WWOX: variants seen among roughly 807,000 people sequenced by gnomAD.
WWOX encodes WW domain containing oxidoreductase.
In WWOX, 69 loss-of-function variants were observed where a neutral mutation model predicts 46.2. The ratio of observed to expected loss-of-function variants is 1.49; its 90% confidence interval spans 1.23 to 1.82. The LOEUF (loss-of-function observed/expected upper bound fraction) is 1.82. Ranked by LOEUF, WWOX falls within the 40% of genes most tolerant of loss-of-function variation. The probability of loss-of-function intolerance (pLI) is 0.00; values close to 1 mark genes in which losing one functional copy is unlikely to be tolerated. For missense variants in WWOX, 919 were observed against 542.6 expected, an observed-to-expected ratio of 1.69 and a Z score of -6.89; for synonymous variants, 359 against 202.6, an observed-to-expected ratio of 1.77 and a Z score of -6.56.
intron 8 of WWOX, among the ~76,000 whole-genome samples, chr16:78,511,358 T>C (rs2085356360): frequency 6.6e-6 from 1 of 152,210 alleles, no homozygotes; most frequent in Admixed American, 6.5e-5. Context: ...TTGAAATATT[T>C]TGAGAACTCT....
At chr16:78,739,014 A>G (rs1258976639) in intron 8 of WWOX, among the ~76,000 whole-genome samples, 1 of 152,176 alleles carries the variant, frequency 6.6e-6, no homozygotes, top group Non-Finnish European at 1.5e-5. Flanking sequence ...TTCAACAACT[A>G]GAAGCCATGG....
At chr16:78,669,516 A>G (rs72796609) in intron 8 of WWOX, among the ~76,000 whole-genome samples, 4,685 of 152,302 alleles carry the variant, frequency 0.031, 97 homozygotes, top group Non-Finnish European at 0.048. Flanking sequence ...CTATCCTACA[A>G]TCCATAGGAC....
At chr16:78,706,483 C>T (rs1273546545) in intron 8 of WWOX, among the ~76,000 whole-genome samples, 1 of 152,186 alleles carries the variant, frequency 6.6e-6, no homozygotes, top group Non-Finnish European at 1.5e-5. Flanking sequence ...TGGGGCTCTT[C>T]CTCTCCTCTT....
intron 8 of WWOX, among the ~76,000 whole-genome samples, chr16:78,730,057 C>G (rs1451563241): frequency 6.6e-6 from 1 of 152,114 alleles, no homozygotes; most frequent in Non-Finnish European, 1.5e-5. Context: ...TTGATATATC[C>G]ATTTTTTAGT....
At chr16:78,552,869 C>G (rs758690677) in intron 8 of WWOX, 2 of 152,120 alleles carry the variant, frequency 1.3e-5, no homozygotes, top group African/African-American at 2.4e-5. Flanking sequence ...ACTGCTATTG[C>G]AAAGATGGTT....
intron 8 of WWOX, among the ~76,000 whole-genome samples, chr16:78,958,122 A>G (rs533003493): frequency 3.3e-5 from 5 of 152,086 alleles, no homozygotes; most frequent in Admixed American, 1.3e-4. Flanking sequence ...ATTTGGTCCT[A>G]TTGTTCCTTA....
chr16:78,883,693 C>G (rs923514275), intron 8 of WWOX, among the ~76,000 whole-genome samples: 2 of 150,288 alleles, frequency 1.3e-5, no homozygotes, highest in African/African-American at 4.9e-5. Flanking sequence ...TACTGTACTC[C>G]AGCCTGGGCA....
chr16:78,684,640 G>A (rs1222552314), intron 8 of WWOX, among the ~76,000 whole-genome samples: 2 of 152,202 alleles, frequency 1.3e-5, no homozygotes, highest in African/African-American at 4.8e-5. Context: ...GCTAATGGCT[G>A]AGAAAGGACT....
intron 5 of WWOX, among the ~76,000 whole-genome samples, chr16:78,286,632 A>T (rs1376468425): frequency 6.6e-6 from 1 of 151,984 alleles, no homozygotes; most frequent in East Asian, 1.9e-4. Flanking sequence ...GTTTTCACTG[A>T]TGCACTTTTG....
intron 7 of WWOX, among the ~76,000 whole-genome samples, chr16:78,429,889 T>G (rs984689066): frequency 1.3e-5 from 2 of 152,172 alleles, no homozygotes; most frequent in Admixed American, 1.3e-4. Context: ...GATGTATGTA[T>G]CCGTGGATGA....
At chr16:78,914,704 C>A (rs1170236316) in intron 8 of WWOX, among the ~76,000 whole-genome samples, 1 of 151,338 alleles carries the variant, frequency 6.6e-6, no homozygotes, top group South Asian at 2.1e-4. Flanking sequence ...ACGGTGAAAC[C>A]CCGTCTCTAC....
chr16:78,301,266 G>A (rs2080036305), intron 5 of WWOX, among the ~76,000 whole-genome samples: 1 of 152,084 alleles, frequency 6.6e-6, no homozygotes, highest in African/African-American at 2.4e-5. Context: ...TTTCAATCAG[G>A]CTGTAAAGTT....
At chr16:79,013,489 T>TC (rs2047353272) in intron 8 of WWOX, among the ~76,000 whole-genome samples, 1 of 152,170 alleles carries the variant, frequency 6.6e-6, no homozygotes, top group South Asian at 2.1e-4. Context: ...AAAACGCATG[T>TC]CCCCCCATGA....
At chr16:78,515,169 A>G (rs2085459756) in intron 8 of WWOX, among the ~76,000 whole-genome samples, 1 of 152,186 alleles carries the variant, frequency 6.6e-6, no homozygotes, top group Non-Finnish European at 1.5e-5. Flanking sequence ...GGTTACAGTG[A>G]ACCGAGATCG....
rs71140804 is a variant in WWOX at position 78,495,145 on chromosome 16, C to CTT, written c.1056+62406_1056+62407dup. On this transcript the variant is annotated intron_variant, in intron 8 of 8. Transcript: ENST00000566780. ...AAGATTAGTAGTAGACTGTTGTGTT[C>CTT]TTTTTTTTTTTTTTGAGATAGACTC... is the stretch of plus-strand genomic sequence containing the variant. Among the ~76,000 whole-genome samples, 190 of 116,598 alleles carry CTT rather than the reference C, an allele frequency of 1.6e-3. 4 individuals carry two copies. Among genetic ancestry groups the CTT allele is most frequent in the African/African-American group, 5.4e-3 (184 of 34,074 alleles). The allele number at this position is 116,598 out of a possible 152,430, so 76.5% of individuals were successfully genotyped here.
chr16:78,247,888 G>T (rs1458940638), intron 5 of WWOX, among the ~76,000 whole-genome samples: 1 of 152,222 alleles, frequency 6.6e-6, no homozygotes, highest in African/African-American at 2.4e-5. Context: ...TGCAGGTGGA[G>T]CCTTGGCGAT....
At chr16:79,205,587 A>G (rs966601155) in intron 8 of WWOX, 3 of 152,166 alleles carry the variant, frequency 2.0e-5, no homozygotes, top group Admixed American at 2.0e-4. Flanking sequence ...GATCATCTTC[A>G]TTGTTTCTTT....
intron 5 of WWOX, among the ~76,000 whole-genome samples, chr16:78,211,411 C>T (rs116215015): frequency 6.6e-6 from 1 of 152,210 alleles, no homozygotes; most frequent in East Asian, 1.9e-4. Context: ...CTGATCTTGT[C>T]AGGTTCTTGG....
At chr16:78,756,821 T>TA in intron 8 of WWOX, 2 of 624,954 alleles carry the variant, frequency 3.2e-6, no homozygotes, top group Non-Finnish European at 5.8e-6. Context: ...CTCGGACACC[T>TA]AATACTACTG....
Sources: gnomAD v4.1 joint callset for allele counts (sites outside exome capture counted in the v4.1 genomes callset) on GRCh38, gnomAD v4.1.1 for gene constraint, MANE v1.5 for transcripts, NCBI Gene and HGNC (gene_info 2026-07-23, HGNC 2026-07-21) for gene names.